The following DMBT1 variants were observed in gnomAD, a reference collection of about 807,000 sequenced individuals.
DMBT1 encodes the protein deleted in malignant brain tumors 1.
Under a neutral mutation model 252.9 loss-of-function variants are expected in DMBT1, and 198 were observed. The observed-to-expected ratio is 0.78, with a 90% CI of 0.70 to 0.88. The LOEUF (loss-of-function observed/expected upper bound fraction) is 0.88, where lower values mean the gene tolerates loss of function less well. DMBT1 is among the 40% of genes least tolerant of loss of function. The pLI, the probability that DMBT1 is intolerant of heterozygous loss-of-function variation, is 0.00. For synonymous variants in DMBT1, 990 were observed against 942.7 expected (o/e 1.05, Z -0.92); for missense variants, 2,432 against 2,404.7 (o/e 1.01, Z -0.24).
intron 28 of DMBT1, 36 bp downstream of exon 28, chr10:122,601,059 G>T (rs750020092): frequency 1.3e-6 from 1 of 759,224 alleles, no homozygotes; most frequent in Admixed American, 2.5e-5. Context: ...AGGGCTCACT[G>T]TCTCTGGACA....
At position 122,618,065 on chromosome 10, in the gene DMBT1, G is replaced by A. The variant is rs376142921; in HGVS notation, c.4940G>A (p.Cys1647Tyr). The change falls in exon 41 of 56, where the codon TGT (cysteine) becomes TAT (tyrosine). Residue 1647 changes from cysteine (C) to tyrosine (Y), a missense_variant. Around this residue, in one of 3 missense-constraint regions of DMBT1, gnomAD observed 1,162 missense variants for 1,169.0 expected, o/e 0.99. Coordinates refer to ENST00000338354, the MANE Select transcript of DMBT1 (RefSeq NM_001377530.1). ...AGACTGGTGAATGGAGGTGACAGGT[G>A]TCGAGGCCGAGTGGAGGTCCTATAC... The part of the protein sequence containing the change: ...ALRLVNGGDR[C>Y]RGRVEVLYQG... 6.2e-7 allele frequency: 1 copy of A among 1,613,550 alleles called. No individual in the cohort carries two copies. Among genetic ancestry groups the A allele is most frequent in the Non-Finnish European group, 8.5e-7 (1 of 1,179,828 alleles).
At chr10:122,565,846 C>A in intron 1 of DMBT1, 121 bp from the exon 2 acceptor site, 1 of 928,578 alleles carries the variant, frequency 1.1e-6, no homozygotes, top group South Asian at 1.4e-5. Context: ...GACACACAAA[C>A]CCAAGATTGA....
intron 42 of DMBT1, 43 bp from the exon 43 acceptor site, chr10:122,620,210 C>T (rs750668717): frequency 6.2e-7 from 1 of 1,604,470 alleles, no homozygotes; most frequent in Non-Finnish European, 8.5e-7. Context: ...AGCTTTCCTC[C>T]CTCAAGTCTA....
chr10:122,580,232 C>G (rs961720197), intron 10 of DMBT1, among the ~76,000 whole-genome samples: 6 of 152,190 alleles, frequency 3.9e-5, no homozygotes, highest in African/African-American at 1.4e-4. Context: ...GCAGCACAGA[C>G]AGCAAGGCAG....
chr10:122,633,198 T>C lies in DMBT1; in HGVS notation c.6405T>C (p.Tyr2135=). ...CACTTTTTGTCCTGACAGCAGATTA[T>C]TCCTGCGGAGGCTTCCTATCCCAAC... ...FLNITRPNTD[Y]SCGGFLSQPS... Residue 2135 remains tyrosine, a synonymous_variant, in exon 52 of 56, where the codon TAT becomes TAC. Coordinates refer to ENST00000338354, the MANE Select transcript of DMBT1 (RefSeq NM_001377530.1). 1.2e-6 allele frequency: 2 copies of C among 1,613,974 alleles called. No homozygotes were observed. Among genetic ancestry groups the C allele is most frequent in the Non-Finnish European group, 1.7e-6 (2 of 1,179,822 alleles).
chr10:122,639,950 A>C, intron 54 of DMBT1, 90 bp from the exon 55 acceptor site: 1 of 1,457,124 alleles, frequency 6.9e-7, no homozygotes, highest in Non-Finnish European at 9.2e-7. Flanking sequence ...TTGTTGAGTC[A>C]CGTCCCTCTC....
In DMBT1 at chr10:122,598,919, G is replaced by C. The variant is rs1269476422; in HGVS notation, c.3102G>C (p.Leu1034=). ...TNDANVVCRQ[L]GCGWAMSAPG... is the part of the protein sequence containing the mutation. ...ATGCCAATGTCGTCTGCAGGCAACTGGGCTGTGGCTGGGCCATGTCAGCCC... is the reference window on the plus strand; with the variant it reads ...ATGCCAATGTCGTCTGCAGGCAACTCGGCTGTGGCTGGGCCATGTCAGCCC... Residue 1034 remains leucine, a synonymous_variant, in exon 26 of 56, where the codon CTG becomes CTC. Transcript: ENST00000338354. The C allele has an allele frequency of 1.2e-6, 2 of 1,613,812 alleles. No individual in the cohort carries two copies. The highest frequency in any genetic ancestry group is 2.2e-5 in the South Asian group (2 of 91,074).
chr10:122,637,126 A>T lies in DMBT1; in HGVS notation c.6758-2A>T, dbSNP rs1216436400. 1.9e-6 allele frequency: 3 copies of T among 1,613,344 alleles called. No homozygotes were observed. In the African/African-American group the frequency reaches 4.0e-5, roughly 22 times the overall value. On this transcript the variant is annotated splice_acceptor_variant, in intron 53 of 55. Transcript: ENST00000338354. LOFTEE classifies it high-confidence loss of function. ...AGTGCCTTATCTGTCCTTGTCTATC[A>T]GACCTGCTCTGTCTGCCAAATCACA...
chr10:122,631,390 G>T (rs1020095123), intron 49 of DMBT1, 109 bp downstream of exon 49: 5 of 1,392,912 alleles, frequency 3.6e-6, no homozygotes, highest in Non-Finnish European at 3.9e-6. Flanking sequence ...GCTGGTCATT[G>T]TGTCCTCGTG....
intron 42 of DMBT1, 32 bp downstream of exon 42, chr10:122,619,369 C>T (rs763595552): frequency 8.1e-6 from 13 of 1,613,720 alleles, no homozygotes; most frequent in Non-Finnish European, 1.1e-5. Context: ...TCGGGATGTC[C>T]CTTCTCTTTC....
chr10:122,621,379 A>G lies in DMBT1; in HGVS notation c.5607A>G (p.Ser1869=). 2 of 1,613,838 alleles carry G rather than the reference A, an allele frequency of 1.2e-6. No individual in the cohort carries two copies. The highest frequency in any genetic ancestry group is 1.7e-6 in the Non-Finnish European group (2 of 1,179,760). Residue 1869 remains serine, a splice_region_variant and synonymous_variant, in exon 44 of 56, where the codon TCA becomes TCG. Transcript: ENST00000338354. ...ACGAAGACGCTGGTGTCATCTGCTC[A>G]GGTGGGCCTTCAAGACCTGGGGCTC... ...GHHEDAGVIC[S]ATQINSTTTD...
intron 52 of DMBT1, among the ~76,000 whole-genome samples, chr10:122,634,976 C>A (rs2098214683): frequency 6.6e-6 from 1 of 152,184 alleles, no homozygotes; most frequent in Non-Finnish European, 1.5e-5. Flanking sequence ...TTTGGAGTCT[C>A]TGCTTTAGTG....
intron 55 of DMBT1, 103 bp downstream of exon 55, chr10:122,640,552 C>T (rs993446480): frequency 8.1e-7 from 1 of 1,229,146 alleles, no homozygotes; most frequent in Non-Finnish European, 1.1e-6. Flanking sequence ...AACTGCAGTT[C>T]CCAGTACTTC....
intron 9 of DMBT1, 48 bp from the exon 10 acceptor site, chr10:122,579,530 T>A (rs756812602): frequency 6.2e-7 from 1 of 1,611,608 alleles, no homozygotes; most frequent in African/African-American, 1.3e-5. Flanking sequence ...CCTTAGATTC[T>A]TGACCTCATG....
chr10:122,598,893 G>T lies in DMBT1; in HGVS notation c.3076G>T (p.Asp1026Tyr). 6.2e-7 allele frequency: 1 copy of T among 1,613,856 alleles called. No homozygotes were observed. The highest frequency in any genetic ancestry group is 8.5e-7 in the Non-Finnish European group (1 of 1,179,778). Reference sequence around the variant, plus strand: ...GTGCGATGACAGCTGGGACACCAATGATGCCAATGTCGTCTGCAGGCAACT... The same window carrying T: ...GTGCGATGACAGCTGGGACACCAATTATGCCAATGTCGTCTGCAGGCAACT... The part of the protein sequence containing the change: ...TVCDDSWDTN[D>Y]ANVVCRQLGC... The change falls in exon 26 of 56, where the codon GAT (aspartate) becomes TAT (tyrosine). Residue 1026 changes from aspartate (D) to tyrosine (Y), a missense_variant. Around this residue, in one of 3 missense-constraint regions of DMBT1, gnomAD observed 1,264 missense variants for 1,082.2 expected, o/e 1.17. Coordinates refer to ENST00000338354, the MANE Select transcript of DMBT1 (RefSeq NM_001377530.1).
rs368561159 is a variant in DMBT1, at chr10:122,643,433, G to A, written c.*35G>A. 5.5e-5 allele frequency: 87 copies of A among 1,581,932 alleles called. No homozygotes were observed. The highest frequency in any genetic ancestry group is 3.9e-4 in the South Asian group (34 of 87,736). On this transcript the variant is annotated 3_prime_UTR_variant, in exon 56 of 56. Transcript: ENST00000338354. ...CTCAGACCCCACTGTCCACCGGGGC[G>A]CAGACCCCTGACTCGGGGACTTGGG... is the stretch of plus-strand genomic sequence containing the variant.
chr10:122,622,107 T>C (rs1330588109), intron 44 of DMBT1, among the ~76,000 whole-genome samples: 2 of 152,210 alleles, frequency 1.3e-5, no homozygotes, highest in Admixed American at 6.5e-5. Flanking sequence ...TTTGGTTCAA[T>C]TGGACATCAC....
Position 122,640,462 on chromosome 10 carries a change from T to G in DMBT1, c.7352+13T>G. 1 of 1,604,096 alleles carries G rather than the reference T, an allele frequency of 6.2e-7. No homozygotes were observed. The highest frequency in any genetic ancestry group is 1.1e-5 in the South Asian group (1 of 90,226). On this transcript the variant is annotated intron_variant, in intron 55 of 55. Coordinates refer to ENST00000338354, the MANE Select transcript of DMBT1 (RefSeq NM_001377530.1). ...TAATCCGGAGTGGGTAAGGAGTGTC[T>G]TTATGCGATGGCCTTAAACCTTTAC...
chr10:122,641,592 G>A (rs1295731951), intron 55 of DMBT1, among the ~76,000 whole-genome samples: 1 of 152,144 alleles, frequency 6.6e-6, no homozygotes, highest in Admixed American at 6.5e-5. Flanking sequence ...CTGAGAGGAG[G>A]GGAGAAAGCT....
Sources: gnomAD v4.1 joint callset for allele counts (sites outside exome capture counted in the v4.1 genomes callset) on GRCh38, gnomAD v4.1.1 for gene constraint, gnomAD v4.1.1 regional missense constraint, MANE v1.5 for transcripts, NCBI Gene and HGNC (gene_info 2026-07-23, HGNC 2026-07-21) for gene names.